The following ZNF878 variants were observed in gnomAD, a reference collection of about 807,000 sequenced individuals.
ZNF878 encodes zinc finger protein 878.
ZNF878 carries 10 observed loss-of-function variants against 11.1 expected under a neutral mutation model. That is an observed-to-expected ratio of 0.90 (90% CI 0.56 to 1.53). The LOEUF (loss-of-function observed/expected upper bound fraction) is 1.53. Among genes scored for constraint, ZNF878 ranks in the 40% most tolerant of loss-of-function variants. The probability of loss-of-function intolerance (pLI) is 0.00; values close to 1 mark genes in which losing one functional copy is unlikely to be tolerated. For synonymous variants in ZNF878, 165 were observed against 209.7 expected, an observed-to-expected ratio of 0.79 and a Z score of 1.84; for missense variants, 548 against 626.1, an observed-to-expected ratio of 0.88 and a Z score of 1.33.
chr19:12,044,431 T>C lies in ZNF878; in HGVS notation c.970A>G (p.Thr324Ala), dbSNP rs778015043. 9 of 1,613,466 alleles carry C rather than the reference T, an allele frequency of 5.6e-6. No homozygotes were observed. The South Asian group carries it at 8.8e-5, about 16-fold the overall frequency. Reference sequence around the variant, plus strand: ...GTCTTTTCATGATAGCGAAAGGAAGTGGAAGAAATAAATCCCTTACCACAT... The same window carrying C: ...GTCTTTTCATGATAGCGAAAGGAAGCGGAAGAAATAAATCCCTTACCACAT... ...KLCGKGFISS[T>A]SFRYHEKTHT... Residue 324 changes from threonine to alanine, a missense_variant, in exon 4 of 4, where the codon ACT becomes GCT. By Grantham distance (58) the Thr-to-Ala change is moderately conservative (BLOSUM62 0). This residue lies in a region of ZNF878 where 335 missense variants were observed against 358.2 expected (regional missense o/e 0.94). Coordinates refer to ENST00000547628, the MANE Select transcript of ZNF878 (RefSeq NM_001080404.3).
chr19:12,049,807 G>A (rs1271377585), intron 1 of ZNF878, among the ~76,000 whole-genome samples: 1 of 151,788 alleles, frequency 6.6e-6, no homozygotes, highest in African/African-American at 2.4e-5. Context: ...TCAAAATTTT[G>A]ACCACCTTTG....
At position 12,044,120 on chromosome 19, in the gene ZNF878, T is replaced by C. The variant is rs1975429691; in HGVS notation, c.1281A>G (p.Gln427=). The C allele has an allele frequency of 6.2e-7, 1 of 1,613,840 alleles. No homozygotes were observed. Among genetic ancestry groups the C allele is most frequent in the Admixed American group, 1.7e-5 (1 of 59,994 alleles). The change falls in exon 4 of 4, where the codon CAA becomes CAG. Residue 427 remains glutamine (Q), a synonymous_variant. Coordinates refer to ENST00000547628, the MANE Select transcript of ZNF878 (RefSeq NM_001080404.3). ...AGGCAACTCTAAAGACTTTACCACA[T>C]TGCTTACATCCATAGGGTTTCTCTC... The part of the protein sequence containing the change: ...HTGEKPYGCK[Q]CGKVFRVASQ...
rs759220011 is a variant in ZNF878 at position 12,046,674 on chromosome 19, C to T, written c.90G>A (p.Arg30=). 6 of 1,614,078 alleles carry T rather than the reference C, an allele frequency of 3.7e-6. No homozygotes were observed. The South Asian group carries it at 5.5e-5, about 15-fold the overall frequency. ...LLDPSQKNLY[R]EVMQETLRNL... Reference sequence around the variant, plus strand: ...TCCTCAAGGTTTCCTGCATCACTTCCCTGTAGAGATTTTTCTGGGAAGGAT... The same window carrying T: ...TCCTCAAGGTTTCCTGCATCACTTCTCTGTAGAGATTTTTCTGGGAAGGAT... The change falls in exon 2 of 4, where the codon AGG becomes AGA. Residue 30 remains arginine, a synonymous_variant. Coordinates refer to ENST00000547628, the MANE Select transcript of ZNF878 (RefSeq NM_001080404.3).
intron 1 of ZNF878, among the ~76,000 whole-genome samples, chr19:12,052,148 C>T (rs1028223220): frequency 2.6e-5 from 4 of 152,188 alleles, no homozygotes; most frequent in Non-Finnish European, 5.9e-5. Context: ...GGCACTGATT[C>T]ATCATTTTCC....
chr19:12,048,832 C>CA (rs561825894), intron 1 of ZNF878, among the ~76,000 whole-genome samples: 14,012 of 86,044 alleles, frequency 0.16, 1,540 homozygotes, highest in African/African-American at 0.32. Flanking sequence ...GACTCTGTCT[C>CA]AAAAAAAAAA....
rs1342427550 is a variant in ZNF878 at position 12,043,893 on chromosome 19, C to T, written c.1508G>A (p.Gly503Glu). 1.5e-5 allele frequency: 25 copies of T among 1,614,126 alleles called. No individual in the cohort carries two copies. The East Asian group carries it at 5.6e-4, about 36-fold the overall frequency. Residue 503 changes from glycine to glutamate, a missense_variant, in exon 4 of 4, where the codon GGA becomes GAA. Around this residue, in one of 3 missense-constraint regions of ZNF878, gnomAD observed 335 missense variants for 358.2 expected, o/e 0.94. Coordinates refer to ENST00000547628, the MANE Select transcript of ZNF878 (RefSeq NM_001080404.3). ...TTGCTTACACTCATAGGGTTTCTCT[C>T]CAGTATGAATCCTTTCATGGTAGAG... ...SFLYHERIHT[G>E]EKPYECKQCG...
intron 3 of ZNF878, among the ~76,000 whole-genome samples, chr19:12,045,540 G>A (rs1205995476): frequency 6.6e-6 from 1 of 151,794 alleles, no homozygotes; most frequent in African/African-American, 2.4e-5. Flanking sequence ...CCCAGCTACG[G>A]GGAGGCTGAG....
In ZNF878 at chr19:12,052,811, T is replaced by C; in HGVS notation, c.-10A>G. The C allele has an allele frequency of 2.0e-6, 3 of 1,535,936 alleles. No homozygotes were observed. The highest frequency in any genetic ancestry group is 2.6e-6 in the Non-Finnish European group (3 of 1,146,734). ...ACCGCATGCTCACCATTTCCTGGCT[T>C]CCAGGTATTCTGGCGTCCTCTCTAA... is the stretch of plus-strand genomic sequence containing the variant. On this transcript the variant is annotated 5_prime_UTR_variant, in exon 1 of 4. Coordinates refer to ENST00000547628, the MANE Select transcript of ZNF878 (RefSeq NM_001080404.3).
chr19:12,047,026 G>A (rs1356574229), intron 1 of ZNF878, among the ~76,000 whole-genome samples: 1 of 152,136 alleles, frequency 6.6e-6, no homozygotes, highest in Non-Finnish European at 1.5e-5. Context: ...AGAAAGTCGT[G>A]CTGCCTGGAC....
chr19:12,047,023 C>T (rs867967937), intron 1 of ZNF878, among the ~76,000 whole-genome samples: 35 of 152,216 alleles, frequency 2.3e-4, no homozygotes, highest in African/African-American at 7.5e-4. Context: ...GGGAGAAAGT[C>T]GTGCTGCCTG....
intron 1 of ZNF878, among the ~76,000 whole-genome samples, chr19:12,048,101 A>G (rs1975512355): frequency 6.6e-6 from 1 of 152,228 alleles, no homozygotes; most frequent in Non-Finnish European, 1.5e-5. Context: ...GCATGTTTGC[A>G]ACAGAATGAG....
rs764978298 is a variant in ZNF878 at position 12,044,809 on chromosome 19, G to GT, written c.591dup (p.Pro198ThrfsTer3). On this transcript the variant is annotated frameshift_variant, in exon 4 of 4. Coordinates refer to ENST00000547628, the MANE Select transcript of ZNF878 (RefSeq NM_001080404.3). LOFTEE classifies it low-confidence loss of function (END_TRUNC). ...TTCCCACACTGCTTACATTCATAGG[G>GT]TTTTTTTGCAGAGTGGATTCTTTCA... is the stretch of plus-strand genomic sequence containing the variant. 9.3e-6 allele frequency: 15 copies of GT among 1,614,042 alleles called. No homozygotes were observed. The highest frequency in any genetic ancestry group is 1.2e-5 in the Non-Finnish European group (14 of 1,180,050).
intron 1 of ZNF878, among the ~76,000 whole-genome samples, chr19:12,046,992 TG>T (rs1975499062): frequency 6.6e-6 from 1 of 152,054 alleles, no homozygotes; most frequent in South Asian, 2.1e-4. Context: ...ATAGGAAAAA[TG>T]TGTGTTTCTG....
chr19:12,048,285 G>C (rs566280159), intron 1 of ZNF878, among the ~76,000 whole-genome samples: 1 of 151,652 alleles, frequency 6.6e-6, no homozygotes, highest in African/African-American at 2.4e-5. Context: ...TTGGGAGGCC[G>C]AGGCGGGTGG....
At chr19:12,046,467 T>C in intron 2 of ZNF878, 39 bp from the exon 3 acceptor site, 2 of 1,555,474 alleles carry the variant, frequency 1.3e-6, no homozygotes, top group East Asian at 2.3e-5. Flanking sequence ...TGAATTAGTA[T>C]AAAATTATTT....
intron 1 of ZNF878, among the ~76,000 whole-genome samples, chr19:12,048,258 C>T (rs1005235609): frequency 1.3e-5 from 2 of 151,246 alleles, no homozygotes; most frequent in African/African-American, 4.9e-5. Flanking sequence ...GTGGCTCATG[C>T]CTGTAATCCC....
At position 12,046,478 on chromosome 19, in the gene ZNF878, TA is replaced by T. The variant is rs762644459; in HGVS notation, c.131-51del. The T allele has an allele frequency of 7.1e-6, 11 of 1,559,668 alleles. No homozygotes were observed. In the African/African-American group the frequency reaches 1.2e-4, roughly 18 times the overall value. On this transcript the variant is annotated intron_variant, in intron 2 of 3. Coordinates refer to ENST00000547628, the MANE Select transcript of ZNF878 (RefSeq NM_001080404.3). ...GTCCTGAATTAGTATAAAATTATTT[TA>T]AAAAGTTACTTGATTCTATGTCCAT...
intron 3 of ZNF878, 91 bp downstream of exon 3, chr19:12,046,277 G>T: frequency 1.0e-6 from 1 of 969,322 alleles, no homozygotes; most frequent in Non-Finnish European, 1.5e-6. Flanking sequence ...TTGGAACTAG[G>T]TTTGTTTCTT....
In ZNF878 at chr19:12,052,789, G is replaced by T. The variant is rs1405547529; in HGVS notation, c.3+10C>A. Reference sequence around the variant, plus strand: ...TTTCGCCTTGGGACTCCCCAGCACCGCATGCTCACCATTTCCTGGCTTCCA... The same window carrying T: ...TTTCGCCTTGGGACTCCCCAGCACCTCATGCTCACCATTTCCTGGCTTCCA... On this transcript the variant is annotated intron_variant, in intron 1 of 3. Coordinates refer to ENST00000547628, the MANE Select transcript of ZNF878 (RefSeq NM_001080404.3). 1 of 1,534,486 alleles carries T rather than the reference G, an allele frequency of 6.5e-7. No individual in the cohort carries two copies. Among genetic ancestry groups the T allele is most frequent in the Non-Finnish European group, 8.7e-7 (1 of 1,145,836 alleles).
Sources: gnomAD v4.1 joint callset for allele counts (sites outside exome capture counted in the v4.1 genomes callset) on GRCh38, gnomAD v4.1.1 for gene constraint, gnomAD v4.1.1 regional missense constraint, MANE v1.5 for transcripts, NCBI Gene and HGNC (gene_info 2026-07-23, HGNC 2026-07-21) for gene names.